FYN: variants seen among roughly 807,000 people sequenced by gnomAD.
The protein encoded by FYN is tyrosine-protein kinase Fyn.
A neutral mutation model predicts 70.2 loss-of-function variants in FYN; 10 were observed. The observed-to-expected ratio is 0.14, with a 90% CI of 0.09 to 0.24. FYN has a LOEUF of 0.24. FYN is among the 10% of genes least tolerant of loss of function. FYN has a pLI of 1.00. For synonymous variants in FYN, 236 were observed against 248.6 expected (o/e 0.95, Z 0.48); for missense variants, 319 against 673.1 (o/e 0.47, Z 5.82).
chr6:111,749,922 CATG>C (rs927866459), intron 3 of FYN, among the ~76,000 whole-genome samples: 39 of 152,034 alleles, frequency 2.6e-4, no homozygotes, highest in African/African-American at 8.9e-4. Flanking sequence ...AGGAAGACTG[CATG>C]ATTTCTCCTG....
At chr6:111,764,228 A>AAAAAAAAAAAAAAG (rs530424442) in intron 3 of FYN, among the ~76,000 whole-genome samples, 8 of 134,892 alleles carry the variant, frequency 5.9e-5, no homozygotes, top group South Asian at 2.4e-4. Flanking sequence ...AAAAAAAAAA[A>AAAAAAAAAAAAAAG]AAAAGAAAAG....
At chr6:111,783,065 C>A (rs917969358) in intron 2 of FYN, among the ~76,000 whole-genome samples, 1 of 152,170 alleles carries the variant, frequency 6.6e-6, no homozygotes. Context: ...CCAGCCTCAG[C>A]GTGGACACTG....
chr6:111,829,394 A>C (rs961818691), intron 2 of FYN, among the ~76,000 whole-genome samples: 5 of 152,250 alleles, frequency 3.3e-5, no homozygotes, highest in Non-Finnish European at 5.9e-5. Flanking sequence ...CATTTGTAAA[A>C]GAACCTGAAA....
At chr6:111,783,009 T>TCCATGTCATGAA (rs1771232332) in intron 2 of FYN, among the ~76,000 whole-genome samples, 1 of 152,214 alleles carries the variant, frequency 6.6e-6, no homozygotes, top group Non-Finnish European at 1.5e-5. Context: ...GTCTACTCAG[T>TCCATGTCATGAA]GCTTGTCCAC....
intron 2 of FYN, among the ~76,000 whole-genome samples, chr6:111,829,031 C>T (rs1168761575): frequency 6.6e-6 from 1 of 152,256 alleles, no homozygotes; most frequent in South Asian, 2.1e-4. Flanking sequence ...CCCAGCTTAT[C>T]TGGCCACAGA....
intron 3 of FYN, among the ~76,000 whole-genome samples, chr6:111,780,123 G>A (rs1771113882): frequency 1.3e-5 from 2 of 152,152 alleles, no homozygotes; most frequent in African/African-American, 4.8e-5. Context: ...TGGCTCCCAG[G>A]CAAGCTGGAC....
At chr6:111,771,816 C>G (rs1221313038) in intron 3 of FYN, among the ~76,000 whole-genome samples, 1 of 152,168 alleles carries the variant, frequency 6.6e-6, no homozygotes, top group Admixed American at 6.5e-5. Flanking sequence ...AGTACCTGCC[C>G]TTTAGAGGTG....
intron 3 of FYN, among the ~76,000 whole-genome samples, chr6:111,732,996 G>A (rs1457794477): frequency 6.6e-6 from 1 of 152,106 alleles, no homozygotes; most frequent in African/African-American, 2.4e-5. Flanking sequence ...CATGCAGTGG[G>A]ATCTTTGTTA....
chr6:111,738,474 G>A (rs1583387818), intron 3 of FYN, among the ~76,000 whole-genome samples: 1 of 152,236 alleles, frequency 6.6e-6, no homozygotes, highest in East Asian at 1.9e-4. Flanking sequence ...TCACTGGAGA[G>A]GGGTAATGGG....
intron 3 of FYN, among the ~76,000 whole-genome samples, chr6:111,734,053 C>T (rs545418860): frequency 6.6e-6 from 1 of 152,166 alleles, no homozygotes; most frequent in Non-Finnish European, 1.5e-5. Flanking sequence ...TGCTACTACA[C>T]TCCAGCCTGG....
chr6:111,728,467 A>C (rs1013472504), intron 3 of FYN, among the ~76,000 whole-genome samples: 1 of 152,210 alleles, frequency 6.6e-6, no homozygotes, highest in Admixed American at 6.5e-5. Context: ...TCATTGCTCC[A>C]GAAAGAAACC....
chr6:111,797,964 T>C (rs943124078), intron 2 of FYN, among the ~76,000 whole-genome samples: 20 of 152,052 alleles, frequency 1.3e-4, no homozygotes, highest in African/African-American at 3.9e-4. Context: ...CGTTTCATCA[T>C]GTTGGCCAGG....
chr6:111,661,622 A>G lies in FYN; in HGVS notation c.*117T>C. Reference sequence around the variant, plus strand: ...GGAAGTTCGTCAGCTTCAGAGTCACATGCAATCTGATCCTGGGCGGTTCCG... The same window carrying G: ...GGAAGTTCGTCAGCTTCAGAGTCACGTGCAATCTGATCCTGGGCGGTTCCG... On this transcript the variant is annotated 3_prime_UTR_variant, in exon 14 of 14. Coordinates refer to ENST00000354650, the MANE Select transcript of FYN (RefSeq NM_002037.5). This position sits in a 1 kb window ranked among gnomAD's most constrained non-coding sequence, Gnocchi z 4.0. 1 of 941,798 alleles carries G rather than the reference A, an allele frequency of 1.1e-6. No individual in the cohort carries two copies. Among genetic ancestry groups the G allele is most frequent in the Non-Finnish European group, 1.6e-6 (1 of 615,496 alleles). The allele number at this position is 941,798 out of a possible 1,614,324, so 58.3% of individuals were successfully genotyped here. A position where few individuals can be genotyped will look rare whatever the true frequency, so the allele number is the denominator to read the frequency against.
At chr6:111,738,671 G>A (rs563510739) in intron 3 of FYN, among the ~76,000 whole-genome samples, 7 of 152,228 alleles carry the variant, frequency 4.6e-5, no homozygotes, top group Non-Finnish European at 8.8e-5. Flanking sequence ...GGCTTGGGTC[G>A]GCATTGGCAT....
chr6:111,734,721 C>T (rs1283670025), intron 3 of FYN, among the ~76,000 whole-genome samples: 1 of 152,234 alleles, frequency 6.6e-6, no homozygotes, highest in Non-Finnish European at 1.5e-5. Context: ...ACAAAAGTTA[C>T]TCCGAAATCA....
intron 5 of FYN, chr6:111,708,362 G>A: frequency 1.4e-5 from 4 of 277,594 alleles, no homozygotes; most frequent in Non-Finnish European, 2.8e-5. Flanking sequence ...GCCTAATTAA[G>A]CAGAACATGT....
chr6:111,734,877 T>C (rs567923490), intron 3 of FYN, among the ~76,000 whole-genome samples: 35 of 152,350 alleles, frequency 2.3e-4, no homozygotes, highest in African/African-American at 8.4e-4. Flanking sequence ...ACAGGCACTG[T>C]GCTAAGGGCT....
chr6:111,804,705 C>T (rs929500134), intron 2 of FYN, among the ~76,000 whole-genome samples: 2 of 152,106 alleles, frequency 1.3e-5, no homozygotes, highest in Admixed American at 6.6e-5. Context: ...GAAAAGAAAA[C>T]GAGGGCTGTG....
intron 2 of FYN, among the ~76,000 whole-genome samples, chr6:111,817,962 A>C (rs1317520227): frequency 6.6e-6 from 1 of 152,220 alleles, no homozygotes. Flanking sequence ...AGTCAGGGCC[A>C]ACAAATGCTC....
Sources: allele counts gnomAD v4.1 joint callset (sites outside exome capture counted in the v4.1 genomes callset), GRCh38; gene constraint gnomAD v4.1.1; non-coding constraint Gnocchi (gnomAD v3.1); transcripts MANE v1.5; gene names NCBI Gene and HGNC (gene_info 2026-07-23, HGNC 2026-07-21).